The following ADAT2 variants were observed in gnomAD, a reference collection of about 807,000 sequenced individuals.
The protein encoded by ADAT2 is adenosine deaminase tRNA specific 2, also known as tRNA-specific adenosine-34 deaminase catalytic subunit ADAT2.
In ADAT2, 26 loss-of-function variants were observed where a neutral mutation model predicts 25.9. That is an observed-to-expected ratio of 1.00 (90% CI 0.74 to 1.39). The LOEUF (loss-of-function observed/expected upper bound fraction) is 1.39. ADAT2 is among the 40% of genes most tolerant of loss of function. The pLI, the probability that ADAT2 is intolerant of heterozygous loss-of-function variation, is 0.00. For synonymous variants in ADAT2, 76 were observed against 86.8 expected (o/e 0.88, Z 0.69); for missense variants, 220 against 244.8 (o/e 0.90, Z 0.68).
rs926543174 is a variant in ADAT2, at chr6:143,427,470, G to A, written c.*993C>T. 2.0e-5 allele frequency: 3 copies of A among 152,106 alleles called. No homozygotes were observed. The highest frequency in any genetic ancestry group is 7.2e-5 in the African/African-American group (3 of 41,414). 9.4% of individuals were successfully genotyped at this position (152,106 alleles called of 1,614,324 possible). A position where few individuals can be genotyped will look rare whatever the true frequency, so the allele number is the denominator to read the frequency against. ...CCCTGTAGTCATGGAGGTGAACTGG[G>A]GACTTCCTGCTGTGGATACCCTTTC... On this transcript the variant is annotated 3_prime_UTR_variant, in exon 6 of 6. Transcript: ENST00000237283.
intron 1 of ADAT2, among the ~76,000 whole-genome samples, chr6:143,439,375 A>G (rs560939085): frequency 1.3e-5 from 2 of 151,236 alleles, no homozygotes; most frequent in South Asian, 2.1e-4. Context: ...AAGAAGAAAG[A>G]AAGTTTGAAA....
rs768562281 is a variant in ADAT2, at chr6:143,428,577, T to G, written c.532+35A>C. On this transcript the variant is annotated intron_variant, in intron 5 of 5. Transcript: ENST00000237283. This position sits in a 1 kb window ranked among gnomAD's most constrained non-coding sequence, Gnocchi z 5.0. ...ATAGCAGATTCTCTTTGTATGGATTTAAGGGAAGGACATTATCCACAACAG... is the reference window on the plus strand; with the variant it reads ...ATAGCAGATTCTCTTTGTATGGATTGAAGGGAAGGACATTATCCACAACAG... The G allele has an allele frequency of 6.2e-7, 1 of 1,612,654 alleles. No homozygotes were observed. Among genetic ancestry groups the G allele is most frequent in the Non-Finnish European group, 8.5e-7 (1 of 1,178,796 alleles).
chr6:143,450,483 A>T, intron 1 of ADAT2, 80 bp downstream of exon 1: 1 of 1,453,768 alleles, frequency 6.9e-7, no homozygotes, highest in Admixed American at 1.7e-5. Flanking sequence ...ACGAGAAAGA[A>T]CGTTTGCTCA....
At position 143,450,503 on chromosome 6, in the gene ADAT2, G is replaced by T. The variant is rs768624527; in HGVS notation, c.96+60C>A. On this transcript the variant is annotated intron_variant, in intron 1 of 5. Transcript: ENST00000237283. ...AAAGAACGTTTGCTCAAATGCCGGG[G>T]TCGGGTTGAGGGCTGGAGAAAGGTC... is the stretch of plus-strand genomic sequence containing the variant. 5.6e-5 allele frequency: 87 copies of T among 1,556,592 alleles called. 1 individual carries two copies. Among genetic ancestry groups the T allele is most frequent in the Non-Finnish European group, 4.6e-5 (52 of 1,131,790 alleles).
chr6:143,436,027 C>G lies in ADAT2; in HGVS notation c.202-2046G>C, dbSNP rs1015590826. Among the ~76,000 whole-genome samples the G allele has an allele frequency of 2.6e-5, 4 of 151,938 alleles. No homozygotes were observed. Among genetic ancestry groups the G allele is most frequent in the Non-Finnish European group, 4.4e-5 (3 of 68,008 alleles). ...TTTAACATTGTTTGAAATTATTGCA[C>G]ATGTGAGTTAAAATTAAAAGACTGT... On this transcript the variant is annotated intron_variant, in intron 2 of 5. Coordinates refer to ENST00000237283, the MANE Select transcript of ADAT2 (RefSeq NM_182503.3). This position sits in a 1 kb window ranked among gnomAD's most constrained non-coding sequence, Gnocchi z 4.1.
In ADAT2 at chr6:143,437,647, T is replaced by C. The variant is rs1043488288; in HGVS notation, c.201+943A>G. On this transcript the variant is annotated intron_variant, in intron 2 of 5. Coordinates refer to ENST00000237283, the MANE Select transcript of ADAT2 (RefSeq NM_182503.3). The surrounding 1 kb of genome is among the most constrained non-coding windows in gnomAD (Gnocchi z 4.1). ...TAAAAATAAATAAGTAAATAAATGATTTGTGAATCTGGATTCCTATTTTAC... is the reference window on the plus strand; with the variant it reads ...TAAAAATAAATAAGTAAATAAATGACTTGTGAATCTGGATTCCTATTTTAC... Among the ~76,000 whole-genome samples, 1 of 152,216 alleles carries C rather than the reference T, an allele frequency of 6.6e-6. No individual in the cohort carries two copies. Among genetic ancestry groups the C allele is most frequent in the Non-Finnish European group, 1.5e-5 (1 of 68,032 alleles).
At position 143,432,492 on chromosome 6, in the gene ADAT2, C is replaced by T; in HGVS notation, c.459+13G>A. ...ATTAGCAAGAAAGAAAAAGCATAAG[C>T]AGTTTGTATTACCTGAAATGGTCTC... On this transcript the variant is annotated intron_variant, in intron 4 of 5. Coordinates refer to ENST00000237283, the MANE Select transcript of ADAT2 (RefSeq NM_182503.3). This position sits in a 1 kb window ranked among gnomAD's most constrained non-coding sequence, Gnocchi z 4.4. The T allele has an allele frequency of 1.9e-6, 3 of 1,605,416 alleles. No homozygotes were observed. The highest frequency in any genetic ancestry group is 2.6e-6 in the Non-Finnish European group (3 of 1,172,096).
intron 4 of ADAT2, among the ~76,000 whole-genome samples, chr6:143,429,890 A>G (rs1779056047): frequency 6.6e-6 from 1 of 152,118 alleles, no homozygotes; most frequent in Non-Finnish European, 1.5e-5. Context: ...TCGCCATAAC[A>G]AATAACCTTC....
Position 143,427,953 on chromosome 6 carries a change from T to C in ADAT2, c.*510A>G, listed in dbSNP as rs895396371. ...GTCTTTTCTAAGGACCATATAATTA[T>C]GGTCTCTATATACACAACTTATATA... On this transcript the variant is annotated 3_prime_UTR_variant, in exon 6 of 6. Coordinates refer to ENST00000237283, the MANE Select transcript of ADAT2 (RefSeq NM_182503.3). The C allele has an allele frequency of 6.5e-6, 1 of 152,934 alleles. No homozygotes were observed. The highest frequency in any genetic ancestry group is 2.4e-5 in the African/African-American group (1 of 41,448). The allele number at this position is 152,934 out of a possible 1,614,324, so 9.5% of individuals were successfully genotyped here.
Position 143,444,539 on chromosome 6 carries a change from CT to C in ADAT2, c.97-5846del, listed in dbSNP as rs1779545630. The stretch of plus-strand genomic sequence containing the variant: ...ACAACTCTACTGTCAAGTCTGATCA[CT>C]TCTTCACAAATGCAAAAAAGCTCAG... On this transcript the variant is annotated intron_variant, in intron 1 of 5. Coordinates refer to ENST00000237283, the MANE Select transcript of ADAT2 (RefSeq NM_182503.3). The surrounding 1 kb of genome is among the most constrained non-coding windows in gnomAD (Gnocchi z 4.3). 6.4e-6 allele frequency: 1 copy of C among 155,138 alleles called. No homozygotes were observed. Among genetic ancestry groups the C allele is most frequent in the Admixed American group, 6.5e-5 (1 of 15,432 alleles). The allele number at this position is 155,138 out of a possible 1,614,324, so 9.6% of individuals were successfully genotyped here.
Position 143,446,285 on chromosome 6 carries a change from G to A in ADAT2, c.96+4278C>T, listed in dbSNP as rs898886050. On this transcript the variant is annotated intron_variant, in intron 1 of 5. Coordinates refer to ENST00000237283, the MANE Select transcript of ADAT2 (RefSeq NM_182503.3). The surrounding 1 kb of genome is among the most constrained non-coding windows in gnomAD (Gnocchi z 5.0). ...TGTATTGTTAACCTTTCCCTATATT[G>A]GGTAATATTTTTTCATCACATGATT... Among the ~76,000 whole-genome samples, 2 of 151,942 alleles carry A rather than the reference G, an allele frequency of 1.3e-5. No individual in the cohort carries two copies. Among genetic ancestry groups the A allele is most frequent in the Admixed American group, 1.3e-4 (2 of 15,244 alleles).
At position 143,447,106 on chromosome 6, in the gene ADAT2, A is replaced by G. The variant is rs138672860; in HGVS notation, c.96+3457T>C. Reference sequence around the variant, plus strand: ...TTGATAACCTTATATGCTATCCAACAGATCCTTTTGTAGTGATGGAAATGT... The same window carrying G: ...TTGATAACCTTATATGCTATCCAACGGATCCTTTTGTAGTGATGGAAATGT... On this transcript the variant is annotated intron_variant, in intron 1 of 5. Transcript: ENST00000237283. Among the ~76,000 whole-genome samples the G allele has an allele frequency of 2.1e-3, 319 of 152,378 alleles. 1 individual carries two copies. The highest frequency in any genetic ancestry group is 7.1e-3 in the African/African-American group (297 of 41,588).
In ADAT2 at chr6:143,428,669, G is replaced by A. The variant is rs751629185; in HGVS notation, c.475C>T (p.Arg159Trp). ...GRPFQCIPGYRAEEAVEMLKT... is the reference protein window; with the variant it reads ...GRPFQCIPGYWAEEAVEMLKT... ...AACATTTCCACTGCTTCCTCAGCCC[G>A]ATATCCAGGGATACACTGATGGAAT... The change falls in exon 5 of 6, where the codon CGG (arginine) becomes TGG (tryptophan). Residue 159 changes from arginine to tryptophan, a missense_variant. Arg to Trp is a moderately radical substitution (Grantham distance 101, BLOSUM62 -3). Transcript: ENST00000237283. The surrounding 1 kb of genome is among the most constrained non-coding windows in gnomAD (Gnocchi z 5.0). 8.7e-6 allele frequency: 14 copies of A among 1,613,792 alleles called. No homozygotes were observed. Among genetic ancestry groups the A allele is most frequent in the East Asian group, 2.2e-5 (1 of 44,852 alleles).
rs1778906292 is a variant in ADAT2, at chr6:143,425,541, G to A, written c.*2922C>T. 1.3e-5 allele frequency: 2 copies of A among 150,514 alleles called. No individual in the cohort carries two copies. Among genetic ancestry groups the A allele is most frequent in the Non-Finnish European group, 2.9e-5 (2 of 67,804 alleles). 9.3% of individuals were successfully genotyped at this position (150,514 alleles called of 1,614,324 possible). On this transcript the variant is annotated 3_prime_UTR_variant, in exon 6 of 6. Coordinates refer to ENST00000237283, the MANE Select transcript of ADAT2 (RefSeq NM_182503.3). ...AAAGAAAAAGCTGGATTCAAGACAA[G>A]TAAATGTAATGCTGGACCCTAGACT...
At chr6:143,435,512 TAGAA>T (rs555494438) in intron 2 of ADAT2, among the ~76,000 whole-genome samples, 2,669 of 152,242 alleles carry the variant, frequency 0.018, 105 homozygotes, top group Admixed American at 0.073. Flanking sequence ...TTTCAGCATA[TAGAA>T]GAAACCCCGG....
intron 1 of ADAT2, among the ~76,000 whole-genome samples, chr6:143,447,459 G>A (rs1254416672): frequency 6.6e-6 from 1 of 152,092 alleles, no homozygotes. Context: ...ATCAAAAAGA[G>A]AACATATAAT....
chr6:143,430,766 CA>C (rs1441811836), intron 4 of ADAT2, among the ~76,000 whole-genome samples: 1 of 151,988 alleles, frequency 6.6e-6, no homozygotes, highest in Non-Finnish European at 1.5e-5. Context: ...GGGGTTTCAC[CA>C]TGTTAGCCAG....
At chr6:143,441,563 G>C (rs552929383) in intron 1 of ADAT2, 1 of 152,136 alleles carries the variant, frequency 6.6e-6, no homozygotes, top group Non-Finnish European at 1.5e-5. Context: ...AAGAAAGAAA[G>C]GAGGGGATGG....
chr6:143,427,791 T>G lies in ADAT2; in HGVS notation c.*672A>C, dbSNP rs1284944990. The stretch of plus-strand genomic sequence containing the variant: ...AATAACAATTGTCCCATTTATGTCT[T>G]TATCTTTTAAGACTATTCATCTTCA... On this transcript the variant is annotated 3_prime_UTR_variant, in exon 6 of 6. Coordinates refer to ENST00000237283, the MANE Select transcript of ADAT2 (RefSeq NM_182503.3). The G allele has an allele frequency of 6.6e-6, 1 of 152,222 alleles. No homozygotes were observed. The highest frequency in any genetic ancestry group is 1.5e-5 in the Non-Finnish European group (1 of 68,066). 9.4% of individuals were successfully genotyped at this position (152,222 alleles called of 1,614,324 possible).
Sources: allele counts gnomAD v4.1 joint callset (sites outside exome capture counted in the v4.1 genomes callset), GRCh38; gene constraint gnomAD v4.1.1; non-coding constraint Gnocchi (gnomAD v3.1); transcripts MANE v1.5; gene names NCBI Gene and HGNC (gene_info 2026-07-23, HGNC 2026-07-21).